HS6ST3: variants seen among roughly 807,000 people sequenced by gnomAD.
The protein encoded by HS6ST3 is heparan sulfate 6-O-sulfotransferase 3, also known as heparan-sulfate 6-O-sulfotransferase 3.
Under a neutral mutation model 36.7 loss-of-function variants are expected in HS6ST3, and 12 were observed. That is an observed-to-expected ratio of 0.33 (90% CI 0.21 to 0.53). The LOEUF (loss-of-function observed/expected upper bound fraction) is 0.53. Ranked by LOEUF, HS6ST3 falls within the 20% of genes least tolerant of loss-of-function variation. HS6ST3 has a pLI of 0.95. For missense variants in HS6ST3, 584 were observed against 640.9 expected (o/e 0.91, Z 0.96); for synonymous variants, 240 against 257.5 (o/e 0.93, Z 0.65).
intron 1 of HS6ST3, among the ~76,000 whole-genome samples, chr13:96,314,236 T>G (rs563377889): frequency 6.6e-6 from 1 of 152,156 alleles, no homozygotes; most frequent in South Asian, 2.1e-4. Context: ...TCCCAAGCTC[T>G]TTGGCTTTTC....
chr13:96,700,702 G>T (rs1875262341), intron 1 of HS6ST3, among the ~76,000 whole-genome samples: 1 of 152,090 alleles, frequency 6.6e-6, no homozygotes, highest in Admixed American at 6.6e-5. Context: ...GTGTAGGAAA[G>T]GAGGAAAAAT....
At chr13:96,228,562 G>A (rs930699201) in intron 1 of HS6ST3, among the ~76,000 whole-genome samples, 4 of 152,094 alleles carry the variant, frequency 2.6e-5, no homozygotes, top group Non-Finnish European at 5.9e-5. Context: ...CACCGTGCCC[G>A]GCCTGTCATG....
chr13:96,106,429 G>C (rs909598836), intron 1 of HS6ST3, among the ~76,000 whole-genome samples: 1 of 152,166 alleles, frequency 6.6e-6, no homozygotes, highest in Non-Finnish European at 1.5e-5. Flanking sequence ...AAGCCTACTT[G>C]GCAAGAAGTT....
chr13:96,107,755 C>T (rs540124634), intron 1 of HS6ST3, among the ~76,000 whole-genome samples: 54 of 152,254 alleles, frequency 3.5e-4, no homozygotes, highest in African/African-American at 1.2e-3. Flanking sequence ...TAATTTCTTA[C>T]GCCTGTCTTT....
chr13:96,301,737 CAACA>C (rs976803149), intron 1 of HS6ST3, among the ~76,000 whole-genome samples: 1 of 151,692 alleles, frequency 6.6e-6, no homozygotes, highest in African/African-American at 2.4e-5. Context: ...ACTAAAAATA[CAACA>C]AACAAACAAA....
intron 1 of HS6ST3, among the ~76,000 whole-genome samples, chr13:96,746,470 C>G (rs530347786): frequency 8.5e-5 from 13 of 152,128 alleles, no homozygotes; most frequent in African/African-American, 3.1e-4. Context: ...ATGTGCTAAC[C>G]ATATTGTTAG....
chr13:96,500,235 A>G (rs1429092014), intron 1 of HS6ST3, among the ~76,000 whole-genome samples: 1 of 152,150 alleles, frequency 6.6e-6, no homozygotes, highest in Non-Finnish European at 1.5e-5. Context: ...TTCAAGGCTC[A>G]TCCATGTTGT....
intron 1 of HS6ST3, among the ~76,000 whole-genome samples, chr13:96,760,948 T>G (rs1325251939): frequency 6.6e-6 from 1 of 152,124 alleles, no homozygotes; most frequent in Non-Finnish European, 1.5e-5. Context: ...ATATTAAAAT[T>G]TATTTTTTCT....
chr13:96,552,056 C>A (rs2056221441), intron 1 of HS6ST3, among the ~76,000 whole-genome samples: 1 of 152,044 alleles, frequency 6.6e-6, no homozygotes, highest in Non-Finnish European at 1.5e-5. Context: ...AAAGTTAGAG[C>A]AATCTTAACT....
intron 1 of HS6ST3, among the ~76,000 whole-genome samples, chr13:96,705,628 C>G (rs932762351): frequency 3.9e-5 from 6 of 152,160 alleles, no homozygotes; most frequent in Non-Finnish European, 5.9e-5. Context: ...ACTTCCAGCT[C>G]AAGCTTCACC....
At chr13:96,631,116 T>C (rs568767513) in intron 1 of HS6ST3, among the ~76,000 whole-genome samples, 1 of 152,282 alleles carries the variant, frequency 6.6e-6, no homozygotes, top group East Asian at 1.9e-4. Flanking sequence ...TCTTCAGAAC[T>C]AAACAGTAGT....
intron 1 of HS6ST3, among the ~76,000 whole-genome samples, chr13:96,306,158 C>T (rs1594748726): frequency 1.4e-5 from 2 of 144,900 alleles, no homozygotes; most frequent in Non-Finnish European, 3.0e-5. Context: ...GGCTGTAGTA[C>T]AGTGGCGTGA....
intron 1 of HS6ST3, among the ~76,000 whole-genome samples, chr13:96,251,118 C>T (rs1474351706): frequency 1.3e-5 from 2 of 152,242 alleles, no homozygotes; most frequent in East Asian, 1.9e-4. Context: ...TGGAAGTTTT[C>T]CCTTCTCTTC....
chr13:96,514,727 G>C (rs372750345), intron 1 of HS6ST3, among the ~76,000 whole-genome samples: 6 of 152,234 alleles, frequency 3.9e-5, no homozygotes, highest in Non-Finnish European at 5.9e-5. Context: ...CTGCCAGTCT[G>C]TGGTATTTGT....
chr13:96,533,061 G>A (rs2056141934), intron 1 of HS6ST3, among the ~76,000 whole-genome samples: 1 of 152,190 alleles, frequency 6.6e-6, no homozygotes, highest in Non-Finnish European at 1.5e-5. Context: ...CATACTTAAT[G>A]TGATTTTCTG....
intron 1 of HS6ST3, among the ~76,000 whole-genome samples, chr13:96,217,150 C>T (rs550905207): frequency 2.6e-5 from 4 of 152,056 alleles, no homozygotes; most frequent in Non-Finnish European, 4.4e-5. Context: ...CCCAGGGGTC[C>T]GGAAAGAAGC....
chr13:96,432,794 T>G (rs1319869004), intron 1 of HS6ST3, among the ~76,000 whole-genome samples: 1 of 146,702 alleles, frequency 6.8e-6, no homozygotes, highest in Non-Finnish European at 1.5e-5. Context: ...TATATCTCTA[T>G]GAAGTAATAA....
At chr13:96,500,661 A>C (rs1175135381) in intron 1 of HS6ST3, among the ~76,000 whole-genome samples, 1 of 152,318 alleles carries the variant, frequency 6.6e-6, no homozygotes, top group East Asian at 1.9e-4. Context: ...TCTTCTGCTT[A>C]GGATGAGCCA....
At chr13:96,757,205 T>A (rs1876853323) in intron 1 of HS6ST3, among the ~76,000 whole-genome samples, 1 of 152,226 alleles carries the variant, frequency 6.6e-6, no homozygotes, top group Non-Finnish European at 1.5e-5. Flanking sequence ...ATGGCACCCT[T>A]CACCAGTCAT....
Sources: gnomAD v4.1 joint callset for allele counts (sites outside exome capture counted in the v4.1 genomes callset) on GRCh38, gnomAD v4.1.1 for gene constraint, MANE v1.5 for transcripts, NCBI Gene and HGNC (gene_info 2026-07-23, HGNC 2026-07-21) for gene names.